The following SPATA31E1 variants were observed in gnomAD, a reference collection of about 807,000 sequenced individuals.
SPATA31E1 encodes spermatogenesis-associated protein 31E1.
In SPATA31E1, 7 loss-of-function variants were observed where a neutral mutation model predicts 12.9. The ratio of observed to expected loss-of-function variants is 0.54; its 90% CI spans 0.31 to 1.02. The LOEUF (loss-of-function observed/expected upper bound fraction) is 1.02, where lower values mean the gene tolerates loss of function less well. SPATA31E1 is among the 50% of genes least tolerant of loss of function. SPATA31E1 has a pLI of 0.05. For missense variants in SPATA31E1, 1,961 were observed against 1,799.8 expected (o/e 1.09, Z -1.62); for synonymous variants, 771 against 719.0 (o/e 1.07, Z -1.16).
Position 87,885,304 on chromosome 9 carries a change from T to C in SPATA31E1, c.817T>C (p.Cys273Arg), listed in dbSNP as rs1828246952. 8 of 1,613,996 alleles carry C rather than the reference T, an allele frequency of 5.0e-6. No individual in the cohort carries two copies. The highest frequency in any genetic ancestry group is 6.8e-6 in the Non-Finnish European group (8 of 1,179,928). The part of the protein sequence containing the change: ...LAGLQCGSTT[C>R]PVPQSSPLHN... The stretch of plus-strand genomic sequence containing the variant: ...TGGACTTCAGTGTGGCTCCACAACA[T>C]GCCCCGTCCCCCAGAGCTCCCCTCT... The change falls in exon 4 of 4, where the codon TGC becomes CGC. Residue 273 changes from cysteine to arginine, a missense_variant. Physicochemically the swap from Cys to Arg is radical, Grantham distance 180. Coordinates refer to ENST00000325643, the MANE Select transcript of SPATA31E1 (RefSeq NM_178828.5).
In SPATA31E1 at chr9:87,885,656, AC is replaced by A; in HGVS notation, c.1170del (p.His390GlnfsTer2). Reference protein sequence around the residue: ...EKERKRADHPHMTSLGKEWDI... With the variant: ...EKERKRADHPXMTSLGKEWDI... ...GAAAGAAAACGGGCCGACCACCCGC[AC>A]ATGACATCACTGGGGAAGGAGTGGG... On this transcript the variant is annotated frameshift_variant, in exon 4 of 4. Coordinates refer to ENST00000325643, the MANE Select transcript of SPATA31E1 (RefSeq NM_178828.5). LOFTEE classifies it low-confidence loss of function (END_TRUNC). The A allele has an allele frequency of 6.2e-7, 1 of 1,613,822 alleles. No individual in the cohort carries two copies. The highest frequency in any genetic ancestry group is 8.5e-7 in the Non-Finnish European group (1 of 1,180,028).
chr9:87,887,130 G>T lies in SPATA31E1; in HGVS notation c.2643G>T (p.Trp881Cys). The change falls in exon 4 of 4, where the codon TGG (tryptophan) becomes TGT (cysteine). Residue 881 changes from tryptophan to cysteine, a missense_variant. Physicochemically the swap from Trp to Cys is radical, Grantham distance 215 (BLOSUM62 -2). Transcript: ENST00000325643. The part of the protein sequence containing the change: ...PQSTFTPWAS[W>C]VSRVESVPKV... Reference sequence around the variant, plus strand: ...CCACCTTTACCCCCTGGGCCTCCTGGGTATCTCGGGTTGAATCTGTACCCA... The same window carrying T: ...CCACCTTTACCCCCTGGGCCTCCTGTGTATCTCGGGTTGAATCTGTACCCA... 1 of 1,614,040 alleles carries T rather than the reference G, an allele frequency of 6.2e-7. No individual in the cohort carries two copies. Among genetic ancestry groups the T allele is most frequent in the Non-Finnish European group, 8.5e-7 (1 of 1,180,004 alleles).
Position 87,886,475 on chromosome 9 carries a change from G to A in SPATA31E1, c.1988G>A (p.Arg663Lys). Residue 663 changes from arginine (R) to lysine (K), a missense_variant, in exon 4 of 4, where the codon AGG becomes AAG. By Grantham distance (26) the Arg-to-Lys change is conservative (BLOSUM62 2). Coordinates refer to ENST00000325643, the MANE Select transcript of SPATA31E1 (RefSeq NM_178828.5). ...LLQPDGEFPG[R>K]PQSQAEDTQQ... ...CAGCCTGATGGGGAATTCCCAGGGA[G>A]GCCCCAGAGTCAGGCAGAAGACACG... The A allele has an allele frequency of 5.0e-6, 8 of 1,614,002 alleles. No individual in the cohort carries two copies. Among genetic ancestry groups the A allele is most frequent in the Non-Finnish European group, 6.8e-6 (8 of 1,179,996 alleles).
rs149381297 is a variant in SPATA31E1, at chr9:87,886,170, C to T, written c.1683C>T (p.Pro561=). Residue 561 remains proline (P), a synonymous_variant, in exon 4 of 4, where the codon CCC becomes CCT. Coordinates refer to ENST00000325643, the MANE Select transcript of SPATA31E1 (RefSeq NM_178828.5). ...TSQERTQSVI[P]TGKEYLEWPL... is the part of the protein sequence containing the mutation. ...AGGAGAGGACACAGTCTGTCATCCC[C>T]ACTGGAAAGGAGTATCTTGAATGGC... 1.1e-4 allele frequency: 170 copies of T among 1,606,924 alleles called. No homozygotes were observed. In the African/African-American group the frequency reaches 2.1e-3, roughly 20 times the overall value.
At position 87,888,282 on chromosome 9, in the gene SPATA31E1, A is replaced by ATGG; in HGVS notation, c.3795_3796insTGG (p.Arg1265_Lys1266insTrp). ...CACCACCAGAAAGCCACTTCCAGAG[A>ATGG]AAGATCAGTCACCATCCACAGGGTC... is the stretch of plus-strand genomic sequence containing the variant. On this transcript the variant is annotated inframe_insertion, in exon 4 of 4. Coordinates refer to ENST00000325643, the MANE Select transcript of SPATA31E1 (RefSeq NM_178828.5). The ATGG allele has an allele frequency of 1.9e-6, 3 of 1,614,142 alleles. No individual in the cohort carries two copies. The highest frequency in any genetic ancestry group is 2.5e-6 in the Non-Finnish European group (3 of 1,180,030).
rs576230052 is a variant in SPATA31E1, at chr9:87,885,105, G to A, written c.618G>A (p.Pro206=). The A allele has an allele frequency of 1.2e-5, 20 of 1,614,158 alleles. No homozygotes were observed. In the East Asian group the frequency reaches 2.0e-4, roughly 16 times the overall value. The change falls in exon 4 of 4, where the codon CCG becomes CCA. Residue 206 remains proline (P), a synonymous_variant. Coordinates refer to ENST00000325643, the MANE Select transcript of SPATA31E1 (RefSeq NM_178828.5). ...TGGCCTCCACCCTGTCACCAGGCCC[G>A]ATGACCTTCTCAGAGCCTTTTGGAC... The part of the protein sequence containing the change: ...APLASTLSPG[P]MTFSEPFGPH...
Position 87,886,351 on chromosome 9 carries a change from C to T in SPATA31E1, c.1864C>T (p.Pro622Ser), listed in dbSNP as rs774340920. The change falls in exon 4 of 4, where the codon CCT becomes TCT. Residue 622 changes from proline to serine, a missense_variant. Coordinates refer to ENST00000325643, the MANE Select transcript of SPATA31E1 (RefSeq NM_178828.5). ...APILPGVVTS[P>S]ELPEHWWQGR... ...CATCCTTCCCGGGGTTGTCACCAGC[C>T]CTGAGCTCCCAGAGCACTGGTGGCA... is the stretch of plus-strand genomic sequence containing the variant. The T allele has an allele frequency of 6.2e-7, 1 of 1,613,532 alleles. No individual in the cohort carries two copies. The highest frequency in any genetic ancestry group is 1.7e-5 in the Admixed American group (1 of 59,990).
chr9:87,885,361 G>C lies in SPATA31E1; in HGVS notation c.874G>C (p.Val292Leu). The change falls in exon 4 of 4, where the codon GTG (valine) becomes CTG (leucine). Residue 292 changes from valine (V) to leucine (L), a missense_variant. Transcript: ENST00000325643. ...HNQVLPPPTR[V>L]ISGLGCSSDP... ...CCAGGTGCTGCCTCCTCCAACCAGG[G>C]TGATCTCTGGCCTGGGGTGCTCCAG... The C allele has an allele frequency of 6.2e-7, 1 of 1,613,986 alleles. No homozygotes were observed. The highest frequency in any genetic ancestry group is 8.5e-7 in the Non-Finnish European group (1 of 1,179,924).
Position 87,888,642 on chromosome 9 carries a change from C to T in SPATA31E1, c.4155C>T (p.Gly1385=). ...GCAGCCCTAAAGCCACCCCCAAGGG[C>T]CACCACTGTCCTGTCAAAAACAGGG... ...LACSPKATPK[G]HHCPVKNRGI... Residue 1385 remains glycine, a synonymous_variant, in exon 4 of 4, where the codon GGC becomes GGT. Transcript: ENST00000325643. 3 of 1,614,074 alleles carry T rather than the reference C, an allele frequency of 1.9e-6. No individual in the cohort carries two copies. The highest frequency in any genetic ancestry group is 2.5e-6 in the Non-Finnish European group (3 of 1,180,016).
At chr9:87,883,229 A>C (rs757598514) in intron 1 of SPATA31E1, 29 bp downstream of exon 1, 10 of 1,545,254 alleles carry the variant, frequency 6.5e-6, no homozygotes, top group African/African-American at 1.4e-5. Context: ...AGCCCCACAG[A>C]GAAAGATTCT....
chr9:87,887,154 C>T lies in SPATA31E1; in HGVS notation c.2667C>T (p.Pro889=), dbSNP rs746686092. 2 of 1,614,076 alleles carry T rather than the reference C, an allele frequency of 1.2e-6. No homozygotes were observed. The highest frequency in any genetic ancestry group is 1.7e-6 in the Non-Finnish European group (2 of 1,180,032). ...ASWVSRVESV[P]KVPIFLGKRP... is the part of the protein sequence containing the mutation. ...GGGTATCTCGGGTTGAATCTGTACCCAAGGTTCCCATTTTCCTGGGAAAAC... is the reference window on the plus strand; with the variant it reads ...GGGTATCTCGGGTTGAATCTGTACCTAAGGTTCCCATTTTCCTGGGAAAAC... The change falls in exon 4 of 4, where the codon CCC becomes CCT. Residue 889 remains proline (P), a synonymous_variant. Coordinates refer to ENST00000325643, the MANE Select transcript of SPATA31E1 (RefSeq NM_178828.5).
rs1448099951 is a variant in SPATA31E1, at chr9:87,887,573, C to G, written c.3086C>G (p.Ala1029Gly). The part of the protein sequence containing the change: ...VLSIGSQWAR[A>G]EDALQALKVG... ...AGCATAGGGTCCCAGTGGGCAAGGG[C>G]TGAAGATGCCCTGCAGGCACTGAAA... The change falls in exon 4 of 4, where the codon GCT becomes GGT. Residue 1029 changes from alanine (A) to glycine (G), a missense_variant. Coordinates refer to ENST00000325643, the MANE Select transcript of SPATA31E1 (RefSeq NM_178828.5). The G allele has an allele frequency of 1.9e-6, 3 of 1,614,160 alleles. No homozygotes were observed. Among genetic ancestry groups the G allele is most frequent in the East Asian group, 2.2e-5 (1 of 44,884 alleles).
At position 87,888,337 on chromosome 9, in the gene SPATA31E1, G is replaced by C; in HGVS notation, c.3850G>C (p.Glu1284Gln). 3 of 1,614,186 alleles carry C rather than the reference G, an allele frequency of 1.9e-6. No homozygotes were observed. The highest frequency in any genetic ancestry group is 1.1e-5 in the South Asian group (1 of 91,086). ...CCCCAGGAAAGGAGGCACACGGTGG[G>C]AAGATGTCCTGCAGAAAGGCAAGCC... ...LHPRKGGTRW[E>Q]DVLQKGKPGA... Residue 1284 changes from glutamate to glutamine, a missense_variant, in exon 4 of 4, where the codon GAA becomes CAA. Physicochemically the swap from Glu to Gln is conservative, Grantham distance 29. Coordinates refer to ENST00000325643, the MANE Select transcript of SPATA31E1 (RefSeq NM_178828.5).
chr9:87,888,306 T>C lies in SPATA31E1; in HGVS notation c.3819T>C (p.Gly1273=). ...GAAAGATCAGTCACCATCCACAGGG[T>C]CTACACCCCAGGAAAGGAGGCACAC... ...FQRKISHHPQ[G]LHPRKGGTRW... is the part of the protein sequence containing the mutation. Residue 1273 remains glycine (G), a synonymous_variant, in exon 4 of 4, where the codon GGT becomes GGC. Coordinates refer to ENST00000325643, the MANE Select transcript of SPATA31E1 (RefSeq NM_178828.5). 2 of 1,613,702 alleles carry C rather than the reference T, an allele frequency of 1.2e-6. No individual in the cohort carries two copies. The highest frequency in any genetic ancestry group is 1.7e-6 in the Non-Finnish European group (2 of 1,179,934).
chr9:87,888,268 A>C lies in SPATA31E1; in HGVS notation c.3781A>C (p.Ser1261Arg). ...GGAGAAGGGACAGACACCACCAGAA[A>C]GCCACTTCCAGAGAAAGATCAGTCA... ...QLEKGQTPPE[S>R]HFQRKISHHP... Residue 1261 changes from serine to arginine, a missense_variant, in exon 4 of 4, where the codon AGC becomes CGC. By Grantham distance (110) the Ser-to-Arg change is moderately radical. Coordinates refer to ENST00000325643, the MANE Select transcript of SPATA31E1 (RefSeq NM_178828.5). 6.2e-7 allele frequency: 1 copy of C among 1,614,140 alleles called. No homozygotes were observed. The highest frequency in any genetic ancestry group is 8.5e-7 in the Non-Finnish European group (1 of 1,180,018).
intron 2 of SPATA31E1, 70 bp from the exon 3 acceptor site, chr9:87,884,521 C>T: frequency 6.5e-7 from 1 of 1,539,558 alleles, no homozygotes; most frequent in Non-Finnish European, 9.0e-7. Flanking sequence ...CCTAAAAAGA[C>T]ATCCACTCAG....
At chr9:87,884,494 A>G in intron 2 of SPATA31E1, 97 bp from the exon 3 acceptor site, 1 of 1,281,886 alleles carries the variant, frequency 7.8e-7, no homozygotes, top group Non-Finnish European at 1.1e-6. Flanking sequence ...TTCAGGGTCT[A>G]GTCCCCCATG....
intron 2 of SPATA31E1, 118 bp downstream of exon 2, chr9:87,884,164 G>C (rs1310159891): frequency 9.3e-6 from 12 of 1,291,478 alleles, no homozygotes; most frequent in Non-Finnish European, 1.1e-5. Context: ...AGAACCTGCG[G>C]CCTCCTCAGA....
Position 87,886,182 on chromosome 9 carries a change from G to A in SPATA31E1, c.1695G>A (p.Glu565=), listed in dbSNP as rs761159005. The change falls in exon 4 of 4, where the codon GAG becomes GAA. Residue 565 remains glutamate (E), a synonymous_variant. Coordinates refer to ENST00000325643, the MANE Select transcript of SPATA31E1 (RefSeq NM_178828.5). ...RTQSVIPTGK[E]YLEWPLKKRP... is the part of the protein sequence containing the mutation. The stretch of plus-strand genomic sequence containing the variant: ...AGTCTGTCATCCCCACTGGAAAGGA[G>A]TATCTTGAATGGCCCTTGAAGAAGC... 1 of 1,610,446 alleles carries A rather than the reference G, an allele frequency of 6.2e-7. No homozygotes were observed. Among genetic ancestry groups the A allele is most frequent in the South Asian group, 1.1e-5 (1 of 90,632 alleles).
Sources: gnomAD v4.1 joint callset for allele counts on GRCh38, gnomAD v4.1.1 for gene constraint, MANE v1.5 for transcripts, NCBI Gene and HGNC (gene_info 2026-07-23, HGNC 2026-07-21) for gene names.